Variants in SLC16A7 observed in about 807,000 individuals in gnomAD.
SLC16A7 encodes the protein monocarboxylate transporter 2.
Under a neutral mutation model 34.9 loss-of-function variants are expected in SLC16A7, and 33 were observed. The observed-to-expected ratio is 0.94, with a 90% CI of 0.72 to 1.26. SLC16A7 has a LOEUF of 1.26. Among genes scored for constraint, SLC16A7 ranks in the 50% most tolerant of loss-of-function variants. The pLI is 0.00. For missense variants in SLC16A7, 573 were observed against 578.1 expected (o/e 0.99, Z 0.09); for synonymous variants, 201 against 206.6 (o/e 0.97, Z 0.23).
intron 3 of SLC16A7, among the ~76,000 whole-genome samples, chr12:59,761,438 G>A (rs1047774724): frequency 6.6e-6 from 1 of 152,016 alleles, no homozygotes; most frequent in African/African-American, 2.4e-5. Flanking sequence ...TATACAAAGA[G>A]TACAGAAAAC....
At position 59,627,273 on chromosome 12, in the gene SLC16A7, T is replaced by C. The variant is rs527249019; in HGVS notation, c.-129-27879T>C. Among the ~76,000 whole-genome samples the C allele has an allele frequency of 3.9e-5, 6 of 151,964 alleles. No individual in the cohort carries two copies. In the East Asian group the frequency reaches 9.7e-4, roughly 25 times the overall value. The stretch of plus-strand genomic sequence containing the variant: ...CTCAATGATGAAAAAAATCCATTAA[T>C]TTTTTTGCACTTATTTAGAAAAAGT... On this transcript the variant is annotated intron_variant, in intron 1 of 5. Coordinates refer to ENST00000547379, the MANE Select transcript of SLC16A7 (RefSeq NM_001270623.2).
intron 2 of SLC16A7, among the ~76,000 whole-genome samples, chr12:59,668,576 T>C (rs978221431): frequency 1.3e-5 from 2 of 152,206 alleles, no homozygotes; most frequent in Non-Finnish European, 2.9e-5. Flanking sequence ...AGGAACTAAC[T>C]TGCTTTTGAT....
At chr12:59,758,942 T>C (rs1880707360) in intron 3 of SLC16A7, among the ~76,000 whole-genome samples, 1 of 152,038 alleles carries the variant, frequency 6.6e-6, no homozygotes, top group Non-Finnish European at 1.5e-5. Flanking sequence ...CTGTCAGCTG[T>C]ATTACATAAT....
In SLC16A7 at chr12:59,647,981, G is replaced by A. The variant is rs571129063; in HGVS notation, c.-129-7171G>A. Among the ~76,000 whole-genome samples the A allele has an allele frequency of 3.3e-5, 5 of 152,208 alleles. No individual in the cohort carries two copies. In the South Asian group the frequency reaches 8.3e-4, roughly 25 times the overall value. On this transcript the variant is annotated intron_variant, in intron 1 of 5. Transcript: ENST00000547379. Reference sequence around the variant, plus strand: ...GGTGGGAGGATCACCTGAACTTGGCGAGGTAAAAGCTGCAGTGAGCCATTA... The same window carrying A: ...GGTGGGAGGATCACCTGAACTTGGCAAGGTAAAAGCTGCAGTGAGCCATTA...
At chr12:59,771,456 G>T (rs1882218382) in intron 4 of SLC16A7, 94 bp downstream of exon 4, 3 of 916,914 alleles carry the variant, frequency 3.3e-6, no homozygotes, top group South Asian at 6.2e-5. Flanking sequence ...TATTTTCTTT[G>T]AATTTATTTT....
intron 1 of SLC16A7, among the ~76,000 whole-genome samples, chr12:59,597,567 G>A (rs536908799): frequency 6.6e-6 from 1 of 152,310 alleles, no homozygotes; most frequent in African/African-American, 2.4e-5. Context: ...GGAACCACAA[G>A]CACTAAGTAT....
intron 3 of SLC16A7, among the ~76,000 whole-genome samples, chr12:59,715,928 A>G (rs1437677763): frequency 6.6e-6 from 1 of 152,198 alleles, no homozygotes. Flanking sequence ...GCTAATTTAC[A>G]TTAGCGTTTT....
Position 59,780,882 on chromosome 12 carries a change from T to C in SLC16A7, c.*1203T>C, listed in dbSNP as rs1883199063. 6.6e-6 allele frequency: 1 copy of C among 152,180 alleles called. No homozygotes were observed. The highest frequency in any genetic ancestry group is 1.5e-5 in the Non-Finnish European group (1 of 68,064). The allele number at this position is 152,180 out of a possible 1,614,324, so 9.4% of individuals were successfully genotyped here. Reference sequence around the variant, plus strand: ...AAAAGCAAACTACAAACAGGCCTTGTGCTCAACCACTGGAAATGCCTCCTG... The same window carrying C: ...AAAAGCAAACTACAAACAGGCCTTGCGCTCAACCACTGGAAATGCCTCCTG... On this transcript the variant is annotated 3_prime_UTR_variant, in exon 6 of 6. Coordinates refer to ENST00000547379, the MANE Select transcript of SLC16A7 (RefSeq NM_001270623.2).
At chr12:59,631,494 C>A (rs182908045) in intron 1 of SLC16A7, among the ~76,000 whole-genome samples, 257 of 152,032 alleles carry the variant, frequency 1.7e-3, no homozygotes, top group African/African-American at 5.9e-3. Context: ...ATACTTGCCT[C>A]ATCAGTCCAT....
intron 1 of SLC16A7, among the ~76,000 whole-genome samples, chr12:59,634,096 A>G (rs1481784443): frequency 6.6e-6 from 1 of 152,054 alleles, no homozygotes; most frequent in African/African-American, 2.4e-5. Context: ...TCTTGTCCGT[A>G]GTCACATGGT....
chr12:59,666,357 A>G (rs201415617), intron 2 of SLC16A7, among the ~76,000 whole-genome samples: 2 of 152,178 alleles, frequency 1.3e-5, no homozygotes, highest in African/African-American at 4.8e-5. Flanking sequence ...CTAAATTTAT[A>G]TATCAGTTCA....
intron 1 of SLC16A7, among the ~76,000 whole-genome samples, chr12:59,648,462 A>T (rs983082779): frequency 6.6e-6 from 1 of 152,224 alleles, no homozygotes; most frequent in African/African-American, 2.4e-5. Flanking sequence ...ATACGTTGCC[A>T]CATTTAAACC....
intron 3 of SLC16A7, among the ~76,000 whole-genome samples, chr12:59,740,953 C>A (rs1003960390): frequency 1.3e-5 from 2 of 152,172 alleles, no homozygotes; most frequent in African/African-American, 4.8e-5. Flanking sequence ...TGTGAACTCC[C>A]TTTCACAATT....
chr12:59,668,799 G>C (rs1462549765), intron 2 of SLC16A7, among the ~76,000 whole-genome samples: 2 of 152,168 alleles, frequency 1.3e-5, no homozygotes, highest in Admixed American at 6.5e-5. Flanking sequence ...TCAAATTTTA[G>C]TTCCCATAAT....
intron 2 of SLC16A7, among the ~76,000 whole-genome samples, chr12:59,661,409 T>C (rs1377578287): frequency 6.6e-6 from 1 of 152,082 alleles, no homozygotes; most frequent in Non-Finnish European, 1.5e-5. Context: ...GACTTTGAGC[T>C]GACTGGCAGA....
chr12:59,749,735 C>T (rs1446187293), intron 3 of SLC16A7, among the ~76,000 whole-genome samples: 1 of 152,150 alleles, frequency 6.6e-6, no homozygotes, highest in Non-Finnish European at 1.5e-5. Flanking sequence ...TTTTGCAAGA[C>T]TTCACAAGAT....
chr12:59,621,530 C>T (rs17122722), intron 1 of SLC16A7, among the ~76,000 whole-genome samples: 8,304 of 151,852 alleles, frequency 0.055, 728 homozygotes, highest in African/African-American at 0.19. Context: ...CCATTTAATG[C>T]CCTTCAATTT....
At chr12:59,769,753 G>A (rs760982202) in intron 3 of SLC16A7, among the ~76,000 whole-genome samples, 8 of 152,046 alleles carry the variant, frequency 5.3e-5, no homozygotes, top group Admixed American at 4.6e-4. Flanking sequence ...TTTTATATAT[G>A]ATCCATGTAA....
At chr12:59,713,392 G>T (rs760767401) in intron 3 of SLC16A7, among the ~76,000 whole-genome samples, 2 of 152,144 alleles carry the variant, frequency 1.3e-5, no homozygotes, top group Non-Finnish European at 2.9e-5. Context: ...TAGGATTGAA[G>T]AATTTACCGC....
Sources: allele counts gnomAD v4.1 joint callset (sites outside exome capture counted in the v4.1 genomes callset), GRCh38; gene constraint gnomAD v4.1.1; transcripts MANE v1.5; gene names NCBI Gene and HGNC (gene_info 2026-07-23, HGNC 2026-07-21).